Variants in ARID1B observed in about 807,000 individuals in gnomAD.
ARID1B encodes the protein AT-rich interaction domain 1B.
A neutral mutation model predicts 212.3 loss-of-function variants in ARID1B; 30 were observed. The ratio of observed to expected loss-of-function variants is 0.14; its 90% CI spans 0.11 to 0.19. The LOEUF is 0.19. ARID1B is among the 10% of genes least tolerant of loss of function. The probability of loss-of-function intolerance (pLI) is 1.00; values close to 1 mark genes in which losing one functional copy is unlikely to be tolerated. For missense variants in ARID1B, 2,891 were observed against 3,204.0 expected (o/e 0.90, Z 2.36); for synonymous variants, 1,402 against 1,301.7 (o/e 1.08, Z -1.66).
At position 157,201,602 on chromosome 6, in the gene ARID1B, G is replaced by A. The variant is rs755919713; in HGVS notation, c.5263+114G>A. The A allele has an allele frequency of 1.9e-4, 235 of 1,246,590 alleles. No homozygotes were observed. Among genetic ancestry groups the A allele is most frequent in the Non-Finnish European group, 2.3e-4 (213 of 930,188 alleles). The allele number at this position is 1,246,590 out of a possible 1,614,324, so 77.2% of individuals were successfully genotyped here. Reference sequence around the variant, plus strand: ...TAAAGGGATGAAAAAATTATGACTAGAAGTTATCAAGATGCGTTTTTATAT... The same window carrying A: ...TAAAGGGATGAAAAAATTATGACTAAAAGTTATCAAGATGCGTTTTTATAT... On this transcript the variant is annotated intron_variant, in intron 18 of 19. Transcript: ENST00000636930. This position sits in a 1 kb window ranked among gnomAD's most constrained non-coding sequence, Gnocchi z 5.2.
chr6:156,898,958 C>CA (rs1418495246), intron 2 of ARID1B, among the ~76,000 whole-genome samples: 1 of 152,066 alleles, frequency 6.6e-6, no homozygotes, highest in Non-Finnish European at 1.5e-5. Context: ...GCAACAAGAG[C>CA]AAAATTCTGT....
intron 1 of ARID1B, among the ~76,000 whole-genome samples, chr6:156,801,390 G>A (rs534940455): frequency 1.3e-5 from 2 of 151,570 alleles, no homozygotes; most frequent in African/African-American, 4.8e-5. Context: ...TAGTAGGGAC[G>A]GGGTTTCATC....
At chr6:156,885,328 T>A (rs1431474531) in intron 2 of ARID1B, among the ~76,000 whole-genome samples, 1 of 152,192 alleles carries the variant, frequency 6.6e-6, no homozygotes, top group African/African-American at 2.4e-5. Context: ...GTTGAAGTAT[T>A]GGTTTGAGGT....
At chr6:156,921,468 C>T (rs287934) in intron 3 of ARID1B, among the ~76,000 whole-genome samples, 23,877 of 149,626 alleles carry the variant, frequency 0.16, 2,313 homozygotes, top group Non-Finnish European at 0.22. Context: ...CACACACACA[C>T]ACACACACAC....
At chr6:157,185,517 A>G (rs924915973) in intron 13 of ARID1B, 1 of 152,190 alleles carries the variant, frequency 6.6e-6, no homozygotes, top group Non-Finnish European at 1.5e-5. Context: ...CATTGATACT[A>G]TTTTAAAATC....
chr6:156,955,797 G>A lies in ARID1B; in HGVS notation c.2247+20221G>A, dbSNP rs1793923853. The stretch of plus-strand genomic sequence containing the variant: ...GCAGAAGATACTCGCCCTGGACTTG[G>A]GATCTTAGAAATGAAGTAGCCCCAT... On this transcript the variant is annotated intron_variant, in intron 4 of 19. Transcript: ENST00000636930. This position sits in a 1 kb window ranked among gnomAD's most constrained non-coding sequence, Gnocchi z 4.2. Among the ~76,000 whole-genome samples the A allele has an allele frequency of 6.6e-6, 1 of 152,174 alleles. No individual in the cohort carries two copies. Among genetic ancestry groups the A allele is most frequent in the South Asian group, 2.1e-4 (1 of 4,824 alleles).
chr6:157,055,685 T>G (rs1392420080), intron 4 of ARID1B, among the ~76,000 whole-genome samples: 1 of 152,296 alleles, frequency 6.6e-6, no homozygotes, highest in East Asian at 1.9e-4. Context: ...CTATTCTTCC[T>G]GAGTATCTCA....
intron 4 of ARID1B, among the ~76,000 whole-genome samples, chr6:156,968,026 G>A (rs1233590595): frequency 6.6e-6 from 1 of 152,054 alleles, no homozygotes; most frequent in Admixed American, 6.5e-5. Flanking sequence ...TCTCCTCTTA[G>A]GTCACACGTG....
chr6:156,812,024 G>A (rs1392186942), intron 1 of ARID1B, among the ~76,000 whole-genome samples: 1 of 152,326 alleles, frequency 6.6e-6, no homozygotes, highest in Non-Finnish European at 1.5e-5. Flanking sequence ...ATTTTTGTTC[G>A]CATTGGTTGT....
chr6:157,162,169 G>A (rs553776764), intron 8 of ARID1B, among the ~76,000 whole-genome samples: 1 of 152,344 alleles, frequency 6.6e-6, no homozygotes, highest in Admixed American at 6.5e-5. Context: ...TGATTGCTAA[G>A]ATGATAAGGC....
At chr6:157,146,952 A>C (rs1223500836) in intron 7 of ARID1B, among the ~76,000 whole-genome samples, 1 of 152,110 alleles carries the variant, frequency 6.6e-6, no homozygotes, top group African/African-American at 2.4e-5. Flanking sequence ...CTTCAGTACT[A>C]ATCTTCTAGC....
intron 4 of ARID1B, among the ~76,000 whole-genome samples, chr6:156,993,490 G>A (rs1778392452): frequency 6.6e-6 from 1 of 152,212 alleles, no homozygotes; most frequent in Admixed American, 6.5e-5. Context: ...CAAGATGTGT[G>A]TGTAACTTTA....
chr6:157,035,010 C>T (rs576475609), intron 4 of ARID1B, among the ~76,000 whole-genome samples: 10 of 152,310 alleles, frequency 6.6e-5, no homozygotes, highest in African/African-American at 2.4e-4. Context: ...CTGACTCCCT[C>T]CTCCCACCCA....
At chr6:156,981,433 A>G (rs1777597464) in intron 4 of ARID1B, among the ~76,000 whole-genome samples, 1 of 152,222 alleles carries the variant, frequency 6.6e-6, no homozygotes, top group Admixed American at 6.5e-5. Flanking sequence ...TCAAAAATAG[A>G]CAAAATTTAG....
At chr6:156,864,888 A>G (rs918160215) in intron 2 of ARID1B, among the ~76,000 whole-genome samples, 1 of 152,114 alleles carries the variant, frequency 6.6e-6, no homozygotes, top group Admixed American at 6.5e-5. Context: ...CATGTCATAA[A>G]CTGTTGTTTT....
chr6:157,139,415 C>T (rs992283989), intron 7 of ARID1B, among the ~76,000 whole-genome samples: 1 of 152,170 alleles, frequency 6.6e-6, no homozygotes, highest in African/African-American at 2.4e-5. Context: ...TGACACATTT[C>T]ACAAATCTGT....
chr6:156,939,377 T>G (rs891220966), intron 4 of ARID1B: 2 of 152,210 alleles, frequency 1.3e-5, no homozygotes, highest in African/African-American at 2.4e-5. Flanking sequence ...CACTTTTTGT[T>G]GAGTGTTCTG....
intron 3 of ARID1B, among the ~76,000 whole-genome samples, chr6:156,929,461 C>A (rs188323834): frequency 2.0e-5 from 3 of 152,288 alleles, no homozygotes; most frequent in South Asian, 2.1e-4. Flanking sequence ...ACCTCTCCCC[C>A]ACCCTCACAT....
chr6:157,041,956 G>GA (rs1463762029), intron 4 of ARID1B, among the ~76,000 whole-genome samples: 2 of 152,012 alleles, frequency 1.3e-5, no homozygotes, highest in African/African-American at 2.4e-5. Flanking sequence ...TGACCTAATG[G>GA]ACTTCTTCCT....
Sources: gnomAD v4.1 joint callset for allele counts (sites outside exome capture counted in the v4.1 genomes callset) on GRCh38, gnomAD v4.1.1 for gene constraint, Gnocchi (gnomAD v3.1) non-coding constraint, MANE v1.5 for transcripts, NCBI Gene and HGNC (gene_info 2026-07-23, HGNC 2026-07-21) for gene names.